SS18L1: variants seen among roughly 807,000 people sequenced by gnomAD.
SS18L1 encodes SS18L1 subunit of BAF chromatin remodeling complex, also known as calcium-responsive transactivator.
Under a neutral mutation model 70.3 loss-of-function variants are expected in SS18L1, and 32 were observed. The observed-to-expected ratio is 0.46, with a 90% CI of 0.34 to 0.61. The LOEUF (loss-of-function observed/expected upper bound fraction) is 0.61, where lower values mean the gene tolerates loss of function less well. Among genes scored for constraint, SS18L1 ranks in the 20% least tolerant of loss-of-function variants. The probability of loss-of-function intolerance (pLI) is 0.01; values close to 1 mark genes in which losing one functional copy is unlikely to be tolerated. For missense variants in SS18L1, 430 were observed against 542.1 expected, an observed-to-expected ratio of 0.79 and a Z score of 2.05; for synonymous variants, 237 against 229.7, an observed-to-expected ratio of 1.03 and a Z score of -0.29.
chr20:62,166,876 G>A (rs1334246980), intron 8 of SS18L1, among the ~76,000 whole-genome samples: 1 of 150,808 alleles, frequency 6.6e-6, no homozygotes, highest in African/African-American at 2.5e-5. Context: ...AGTGAGCTGA[G>A]ATCATGCCAT....
intron 10 of SS18L1, among the ~76,000 whole-genome samples, chr20:62,178,911 C>T (rs1158063386): frequency 6.6e-6 from 1 of 152,228 alleles, no homozygotes; most frequent in African/African-American, 2.4e-5. Context: ...ATAGCAGGCC[C>T]AGCATAAGGC....
At chr20:62,162,567 G>T in intron 4 of SS18L1, 185 bp from the exon 5 acceptor site, 1 of 617,638 alleles carries the variant, frequency 1.6e-6, no homozygotes, top group South Asian at 2.3e-5. Context: ...GCCTCCCAAA[G>T]TGCTGGGATT....
At chr20:62,165,948 C>A (rs1030547469) in intron 8 of SS18L1, among the ~76,000 whole-genome samples, 3 of 152,310 alleles carry the variant, frequency 2.0e-5, no homozygotes, top group Admixed American at 6.5e-5. Context: ...TGTGGCCTCG[C>A]GTTTCTTCAG....
intron 1 of SS18L1, among the ~76,000 whole-genome samples, chr20:62,152,174 G>A (rs1246972493): frequency 6.6e-6 from 1 of 152,180 alleles, no homozygotes; most frequent in Non-Finnish European, 1.5e-5. Context: ...GGGCTCCGCT[G>A]CCTCATGGCA....
At position 62,159,073 on chromosome 20, in the gene SS18L1, C is replaced by T. The variant is rs2057278405; in HGVS notation, c.146+325C>T. On this transcript the variant is annotated intron_variant, in intron 2 of 10. Coordinates refer to ENST00000331758, the MANE Select transcript of SS18L1 (RefSeq NM_198935.3). The surrounding 1 kb of genome is among the most constrained non-coding windows in gnomAD (Gnocchi z 4.4). ...AGATATGTCCCGAGAGTCCCTGGCA[C>T]AGCTGCGAAGCATTGCTGCCAGAAC... 1.4e-6 allele frequency: 2 copies of T among 1,449,042 alleles called. No homozygotes were observed. Among genetic ancestry groups the T allele is most frequent in the Non-Finnish European group, 1.8e-6 (2 of 1,084,130 alleles). The allele number at this position is 1,449,042 out of a possible 1,614,324, so 89.8% of individuals were successfully genotyped here.
In SS18L1 at chr20:62,159,261, G is replaced by A. The variant is rs6062095; in HGVS notation, c.146+513G>A. On this transcript the variant is annotated intron_variant, in intron 2 of 10. Transcript: ENST00000331758. The surrounding 1 kb of genome is among the most constrained non-coding windows in gnomAD (Gnocchi z 4.4). ...ACCCTGTGAACCTAGGGCCTGATGC[G>A]TAGGAGGGGTGCGTGGCCAGTCTGC... 0.095 allele frequency among the ~76,000 whole-genome samples: 14,412 copies of A among 152,174 alleles called. 2,193 individuals are homozygous for A. Among genetic ancestry groups the A allele is most frequent in the African/African-American group, 0.32 (13,361 of 41,452 alleles).
At chr20:62,179,133 C>A (rs1568771540) in intron 10 of SS18L1, 49 bp from the exon 11 acceptor site, 14 of 1,609,968 alleles carry the variant, frequency 8.7e-6, no homozygotes, top group Non-Finnish European at 9.4e-6. Context: ...GTCTGTCTTC[C>A]TTTCACTCAT....
intron 8 of SS18L1, among the ~76,000 whole-genome samples, chr20:62,165,861 G>A (rs2057420108): frequency 6.6e-6 from 1 of 152,110 alleles, no homozygotes; most frequent in Admixed American, 6.5e-5. Flanking sequence ...CTGTTATTGG[G>A]TCTGGCCAGG....
rs1380224688 is a variant in SS18L1 at position 62,179,622 on chromosome 20, T to TG, written c.*415dup. On this transcript the variant is annotated 3_prime_UTR_variant, in exon 11 of 11. Transcript: ENST00000331758. The stretch of plus-strand genomic sequence containing the variant: ...TCTCATTTTCCTCCTCATGCAGTGT[T>TG]GTAGTGTGGGTTGTCAACTTTTCTT... 4.0e-6 allele frequency: 1 copy of TG among 251,798 alleles called. No individual in the cohort carries two copies. The highest frequency in any genetic ancestry group is 7.7e-6 in the Non-Finnish European group (1 of 129,524). The allele number at this position is 251,798 out of a possible 1,614,324, so 15.6% of individuals were successfully genotyped here. A position where few individuals can be genotyped will look rare whatever the true frequency, so the allele number is the denominator to read the frequency against.
intron 10 of SS18L1, among the ~76,000 whole-genome samples, chr20:62,175,717 G>A (rs868785444): frequency 8.5e-5 from 13 of 152,232 alleles, no homozygotes; most frequent in South Asian, 2.1e-4. Context: ...AATTGGGTAG[G>A]TAAGAGGCCA....
intron 1 of SS18L1, among the ~76,000 whole-genome samples, chr20:62,149,603 T>G (rs908030545): frequency 1.3e-5 from 2 of 152,212 alleles, no homozygotes; most frequent in African/African-American, 4.8e-5. Flanking sequence ...GATGGTGATG[T>G]GTGCTTCGCC....
At chr20:62,153,457 T>C (rs144396993) in intron 1 of SS18L1, among the ~76,000 whole-genome samples, 8 of 151,952 alleles carry the variant, frequency 5.3e-5, no homozygotes, top group African/African-American at 9.7e-5. Context: ...CCTTACCTGG[T>C]GACCAGGGAG....
chr20:62,147,181 G>A (rs2057045881), intron 1 of SS18L1, among the ~76,000 whole-genome samples: 1 of 152,186 alleles, frequency 6.6e-6, no homozygotes, highest in South Asian at 2.1e-4. Context: ...CAGGTATTGG[G>A]GGACCTAAAG....
Position 62,174,946 on chromosome 20 carries a change from T to C in SS18L1, c.1164+302T>C. 1.0e-6 allele frequency: 1 copy of C among 979,960 alleles called. No individual in the cohort carries two copies. The highest frequency in any genetic ancestry group is 1.2e-6 in the Non-Finnish European group (1 of 824,984). 60.7% of individuals were successfully genotyped at this position (979,960 alleles called of 1,614,324 possible). A position where few individuals can be genotyped will look rare whatever the true frequency, so the allele number is the denominator to read the frequency against. Reference sequence around the variant, plus strand: ...TACTGGGTACGCGTCCGGTCTCTGCTGAGTGCTTGGTGTGTGGCCGCGACA... The same window carrying C: ...TACTGGGTACGCGTCCGGTCTCTGCCGAGTGCTTGGTGTGTGGCCGCGACA... On this transcript the variant is annotated intron_variant, in intron 10 of 10. Coordinates refer to ENST00000331758, the MANE Select transcript of SS18L1 (RefSeq NM_198935.3). This position sits in a 1 kb window ranked among gnomAD's most constrained non-coding sequence, Gnocchi z 4.1.
intron 10 of SS18L1, among the ~76,000 whole-genome samples, chr20:62,178,603 A>G (rs1436343696): frequency 1.3e-5 from 2 of 152,026 alleles, no homozygotes; most frequent in Non-Finnish European, 2.9e-5. Flanking sequence ...ACTAGAGTGC[A>G]GTGGTGCAAT....
Position 62,158,901 on chromosome 20 carries a change from G to T in SS18L1, c.146+153G>T. 1 of 1,598,014 alleles carries T rather than the reference G, an allele frequency of 6.3e-7. No individual in the cohort carries two copies. Among genetic ancestry groups the T allele is most frequent in the Non-Finnish European group, 8.5e-7 (1 of 1,173,844 alleles). On this transcript the variant is annotated intron_variant, in intron 2 of 10. Transcript: ENST00000331758. The surrounding 1 kb of genome is among the most constrained non-coding windows in gnomAD (Gnocchi z 4.5). ...GCCAGATATGTCCCAGGAGTCCCCT[G>T]CACAGAGGCCAGATATGTCCCAGGA...
In SS18L1 at chr20:62,161,321, G is replaced by A; in HGVS notation, c.232-115G>A. On this transcript the variant is annotated intron_variant, in intron 3 of 10. Transcript: ENST00000331758. The surrounding 1 kb of genome is among the most constrained non-coding windows in gnomAD (Gnocchi z 4.4). ...GCTGCTGATTACGAACATTGACCAG[G>A]TGGCCATGATGTGTGGCGGCAAATC... is the stretch of plus-strand genomic sequence containing the variant. The A allele has an allele frequency of 1.4e-6, 2 of 1,436,138 alleles. No individual in the cohort carries two copies. The highest frequency in any genetic ancestry group is 1.9e-6 in the Non-Finnish European group (2 of 1,026,896). 89.0% of individuals were successfully genotyped at this position (1,436,138 alleles called of 1,614,324 possible).
chr20:62,166,940 GAAAT>G (rs1312713717), intron 8 of SS18L1, among the ~76,000 whole-genome samples: 4 of 145,168 alleles, frequency 2.8e-5, no homozygotes, highest in Non-Finnish European at 6.0e-5. Context: ...AAAATAAAAA[GAAAT>G]AAAAAAAAGA....
intron 1 of SS18L1, among the ~76,000 whole-genome samples, chr20:62,150,112 G>T (rs1197046846): frequency 6.6e-6 from 1 of 152,184 alleles, no homozygotes; most frequent in Non-Finnish European, 1.5e-5. Context: ...CAGCGGTGGG[G>T]CCGTGAGGCA....
Sources: allele counts gnomAD v4.1 joint callset (sites outside exome capture counted in the v4.1 genomes callset), GRCh38; gene constraint gnomAD v4.1.1; non-coding constraint Gnocchi (gnomAD v3.1); transcripts MANE v1.5; gene names NCBI Gene and HGNC (gene_info 2026-07-23, HGNC 2026-07-21).